The following ZNF800 variants were observed in gnomAD, a reference collection of about 807,000 sequenced individuals.
ZNF800 encodes the protein zinc finger protein 800.
Under a neutral mutation model 59.5 loss-of-function variants are expected in ZNF800, and 13 were observed. That is an observed-to-expected ratio of 0.22 (90% CI 0.14 to 0.35). The LOEUF (loss-of-function observed/expected upper bound fraction) is 0.35. Ranked by LOEUF, ZNF800 falls within the 10% of genes least tolerant of loss-of-function variation. ZNF800 has a pLI of 1.00. For synonymous variants in ZNF800, 266 were observed against 265.7 expected (o/e 1.00, Z -0.01); for missense variants, 621 against 783.7 (o/e 0.79, Z 2.48).
At chr7:127,349,027 T>C (rs1800123380) in intron 1 of ZNF800, among the ~76,000 whole-genome samples, 1 of 152,160 alleles carries the variant, frequency 6.6e-6, no homozygotes, top group Non-Finnish European at 1.5e-5. Context: ...TTTTGTGACA[T>C]TATATCTTAT....
intron 1 of ZNF800, chr7:127,363,752 TA>T (rs1800443617): frequency 6.6e-6 from 1 of 152,044 alleles, no homozygotes; most frequent in African/African-American, 2.4e-5. Flanking sequence ...CTGAGTAAGA[TA>T]ACTGGTTTAG....
At position 127,374,050 on chromosome 7, in the gene ZNF800, T is replaced by C. The variant is rs1587439781; in HGVS notation, c.1286A>G (p.Asn429Ser). The C allele has an allele frequency of 6.2e-7, 1 of 1,614,126 alleles. No individual in the cohort carries two copies. The highest frequency in any genetic ancestry group is 8.5e-7 in the Non-Finnish European group (1 of 1,180,004). ...TGAATGATTTGTTCCCTTTAATTCA[T>C]TCTGTGGAGAATGGGTAATGGAAGG... is the stretch of plus-strand genomic sequence containing the variant. ...SPPSITHSPQ[N>S]ELKGTNHSNE... The change falls in exon 5 of 6, where the codon AAT (asparagine) becomes AGT (serine). Residue 429 changes from asparagine (N) to serine (S), a missense_variant. Around this residue, in one of 7 missense-constraint regions of ZNF800, gnomAD observed 185 missense variants for 177.6 expected, o/e 1.04. Coordinates refer to ENST00000265827, the MANE Select transcript of ZNF800 (RefSeq NM_176814.5).
At chr7:127,360,294 T>A (rs1366692057) in intron 1 of ZNF800, 3 of 152,222 alleles carry the variant, frequency 2.0e-5, no homozygotes, top group Admixed American at 1.3e-4. Context: ...TGAATTCACA[T>A]CCTGATTAAA....
At chr7:127,344,838 A>G (rs1386328432), downstream of ZNF800, among the ~76,000 whole-genome samples, 1 of 152,168 alleles carries the variant, frequency 6.6e-6, no homozygotes, top group Non-Finnish European at 1.5e-5. Context: ...TATATCAAAA[A>G]TAAATTCCAT....
chr7:127,372,736 C>T, intron 5 of ZNF800: 6 of 985,298 alleles, frequency 6.1e-6, no homozygotes, highest in Non-Finnish European at 7.2e-6. Context: ...CTTCTATTTA[C>T]CACCAACTTT....
At chr7:127,381,855 C>T (rs1562908485) in intron 3 of ZNF800, among the ~76,000 whole-genome samples, 2 of 152,142 alleles carry the variant, frequency 1.3e-5, no homozygotes, top group Admixed American at 6.5e-5. Context: ...CTACGCTTTG[C>T]CTTCAGAATC....
rs577977623 is a variant in ZNF800, at chr7:127,384,227, C to CTTTTTTTTTTTTTTTTTTTTTTTTTTTTT, written c.157+1832_157+1833insAAAAAAAAAAAAAAAAAAAAAAAAAAAAA. On this transcript the variant is annotated intron_variant, in intron 3 of 5. Transcript: ENST00000265827. ...CTTATGACTTAACTAATTCTAACTTCTTTTTTTTTTTTTTTTTTTTTTTTT... is the reference window on the plus strand; with the variant it reads ...CTTATGACTTAACTAATTCTAACTTCTTTTTTTTTTTTTTTTTTTTTTTTTTTTTTTTTTTTTTTTTTTTTTTTTTTTTT... Among the ~76,000 whole-genome samples, 10 of 63,390 alleles carry CTTTTTTTTTTTTTTTTTTTTTTTTTTTTT rather than the reference C, an allele frequency of 1.6e-4. 1 individual carries two copies. The highest frequency in any genetic ancestry group is 2.2e-4 in the Non-Finnish European group (8 of 36,098). 41.6% of individuals were successfully genotyped at this position (63,390 alleles called of 152,430 possible).
At position 127,374,055 on chromosome 7, in the gene ZNF800, T is replaced by C. The variant is rs1388535637; in HGVS notation, c.1281A>G (p.Pro427=). 1.9e-6 allele frequency: 3 copies of C among 1,613,996 alleles called. No individual in the cohort carries two copies. In the African/African-American group the frequency reaches 4.0e-5, roughly 22 times the overall value. ...GATTTGTTCCCTTTAATTCATTCTG[T>C]GGAGAATGGGTAATGGAAGGGGGTG... The part of the protein sequence containing the change: ...ESSPPSITHS[P]QNELKGTNHS... The change falls in exon 5 of 6, where the codon CCA becomes CCG. Residue 427 remains proline (P), a synonymous_variant. Coordinates refer to ENST00000265827, the MANE Select transcript of ZNF800 (RefSeq NM_176814.5).
intron 2 of ZNF800, among the ~76,000 whole-genome samples, chr7:127,388,090 C>A (rs775664617): frequency 6.6e-6 from 1 of 151,938 alleles, no homozygotes; most frequent in Non-Finnish European, 1.5e-5. Context: ...TCTGATTTCT[C>A]TTTTCTCAGG....
In ZNF800 at chr7:127,377,169, A is replaced by C. The variant is rs754348222; in HGVS notation, c.301+17T>G. 6.2e-7 allele frequency: 1 copy of C among 1,602,316 alleles called. No individual in the cohort carries two copies. The highest frequency in any genetic ancestry group is 2.2e-5 in the East Asian group (1 of 44,662). On this transcript the variant is annotated intron_variant, in intron 4 of 5. Transcript: ENST00000265827. This position sits in a 1 kb window ranked among gnomAD's most constrained non-coding sequence, Gnocchi z 4.7. ...TTAGCTGTAAAATGCATAACTGAGTATATGAATAAAACTTACTGTCATCCA... is the reference window on the plus strand; with the variant it reads ...TTAGCTGTAAAATGCATAACTGAGTCTATGAATAAAACTTACTGTCATCCA...
chr7:127,392,490 T>A lies in ZNF800; in HGVS notation c.-489A>T. 3 of 349,244 alleles carry A rather than the reference T, an allele frequency of 8.6e-6. No homozygotes were observed. The highest frequency in any genetic ancestry group is 1.5e-5 in the Non-Finnish European group (3 of 194,454). 21.6% of individuals were successfully genotyped at this position (349,244 alleles called of 1,614,324 possible). On this transcript the variant is annotated 5_prime_UTR_variant, in exon 1 of 6. Transcript: ENST00000265827. Reference sequence around the variant, plus strand: ...CGGGTCCCACCAGCGCCGCTCCACCTGCAACGGTCCCTCAGGCTTTAGGAG... The same window carrying A: ...CGGGTCCCACCAGCGCCGCTCCACCAGCAACGGTCCCTCAGGCTTTAGGAG...
At chr7:127,368,654 C>T (rs1324650840), downstream of ZNF800, among the ~76,000 whole-genome samples, 4 of 151,986 alleles carry the variant, frequency 2.6e-5, no homozygotes, top group Non-Finnish European at 5.9e-5. Context: ...AGATCTTTTG[C>T]AACTTCACAA....
chr7:127,391,793 A>T lies in ZNF800; in HGVS notation c.-58-178T>A, dbSNP rs28439181. The stretch of plus-strand genomic sequence containing the variant: ...CTCCTGCAGCCCAAACTCCCCACAC[A>T]GGTTCATCGCCCTACCCGGAAACGC... On this transcript the variant is annotated intron_variant, in intron 1 of 5. Coordinates refer to ENST00000265827, the MANE Select transcript of ZNF800 (RefSeq NM_176814.5). Among the ~76,000 whole-genome samples, 563 of 152,252 alleles carry T rather than the reference A, an allele frequency of 3.7e-3. 6 individuals carry two copies. Among genetic ancestry groups the T allele is most frequent in the African/African-American group, 0.013 (545 of 41,574 alleles).
downstream of ZNF800, among the ~76,000 whole-genome samples, chr7:127,345,141 A>T (rs2116998102): frequency 6.6e-6 from 1 of 152,322 alleles, no homozygotes; most frequent in South Asian, 2.1e-4. Flanking sequence ...CTCAACAGAA[A>T]AAATATCAAA....
Position 127,374,655 on chromosome 7 carries a change from A to T in ZNF800, c.681T>A (p.Gly227=). 1 of 1,613,990 alleles carries T rather than the reference A, an allele frequency of 6.2e-7. No homozygotes were observed. Among genetic ancestry groups the T allele is most frequent in the Non-Finnish European group, 8.5e-7 (1 of 1,179,894 alleles). The part of the protein sequence containing the change: ...DLETSDNSDF[G]HQLICCLCRK... ...TACAAAGACAACATATCAACTGGTG[A>T]CCAAAATCAGAATTGTCAGAAGTTT... Residue 227 remains glycine (G), a synonymous_variant, in exon 5 of 6, where the codon GGT becomes GGA. Transcript: ENST00000265827.
At chr7:127,386,993 C>G (rs762145395) in intron 2 of ZNF800, among the ~76,000 whole-genome samples, 4 of 151,934 alleles carry the variant, frequency 2.6e-5, no homozygotes, top group Admixed American at 6.6e-5. Flanking sequence ...CTTTCTGCCT[C>G]ACACTTTAAT....
intron 2 of ZNF800, among the ~76,000 whole-genome samples, chr7:127,390,293 A>C (rs938375362): frequency 1.3e-5 from 2 of 152,212 alleles, no homozygotes; most frequent in African/African-American, 4.8e-5. Context: ...ATATATCTGC[A>C]GTTCAAATAC....
intron 1 of ZNF800, chr7:127,360,152 G>T (rs1253485171): frequency 6.6e-6 from 1 of 152,016 alleles, no homozygotes; most frequent in African/African-American, 2.4e-5. Context: ...GAGTAGTTCT[G>T]AAAACCCATC....
intron 3 of ZNF800, among the ~76,000 whole-genome samples, chr7:127,382,000 G>A (rs1800990289): frequency 6.6e-6 from 1 of 151,588 alleles, no homozygotes; most frequent in African/African-American, 2.4e-5. Flanking sequence ...ATCACATGAA[G>A]CTAATTCTCA....
Sources: gnomAD v4.1 joint callset for allele counts (sites outside exome capture counted in the v4.1 genomes callset) on GRCh38, gnomAD v4.1.1 for gene constraint, gnomAD v4.1.1 regional missense constraint, Gnocchi (gnomAD v3.1) non-coding constraint, MANE v1.5 for transcripts, NCBI Gene and HGNC (gene_info 2026-07-23, HGNC 2026-07-21) for gene names.